PDE1A: variants seen among roughly 807,000 people sequenced by gnomAD.
PDE1A encodes the protein dual specificity calcium/calmodulin-dependent 3',5'-cyclic nucleotide phosphodiesterase 1A.
In PDE1A, 35 loss-of-function variants were observed where a neutral mutation model predicts 61.7. The ratio of observed to expected loss-of-function variants is 0.57; its 90% CI spans 0.43 to 0.75. The LOEUF is 0.75. Among genes scored for constraint, PDE1A ranks in the 30% least tolerant of loss-of-function variants. PDE1A has a pLI of 0.00. For missense variants in PDE1A, 597 were observed against 630.6 expected, an observed-to-expected ratio of 0.95 and a Z score of 0.57; for synonymous variants, 232 against 213.2, an observed-to-expected ratio of 1.09 and a Z score of -0.77.
At chr2:182,707,569 A>G in the PDE1A span, among the ~76,000 whole-genome samples, 1 of 75,630 alleles carries the variant, frequency 1.3e-5, no homozygotes, top group Non-Finnish European at 2.6e-5. Context: ...GACACAAATT[A>G]CTAACACTCA....
At chr2:182,602,992 C>CACACATACATACATACATACAT in the PDE1A span, among the ~76,000 whole-genome samples, 24 of 130,390 alleles carry the variant, frequency 1.8e-4, no homozygotes, top group South Asian at 2.4e-4. Context: ...CACACACACA[C>CACACATACATACATACATACAT]ACATACATAC....
At chr2:182,336,004 A>G (rs913277704) in intron 1 of PDE1A, among the ~76,000 whole-genome samples, 2 of 152,226 alleles carry the variant, frequency 1.3e-5, no homozygotes, top group Non-Finnish European at 2.9e-5. Flanking sequence ...CTGGCCAACA[A>G]ACATATGAAA....
At chr2:182,654,316 T>G in the PDE1A span, among the ~76,000 whole-genome samples, 6 of 152,192 alleles carry the variant, frequency 3.9e-5, no homozygotes, top group Non-Finnish European at 8.8e-5. Flanking sequence ...ACAGGTTAAT[T>G]GAAAAATAAT....
chr2:182,612,591 C>T, the PDE1A span, among the ~76,000 whole-genome samples: 3 of 152,216 alleles, frequency 2.0e-5, no homozygotes, highest in Non-Finnish European at 1.5e-5. Flanking sequence ...ATGTATTTCA[C>T]TCCAATCTAT....
chr2:182,451,628 A>G (rs1265622245), intron 2 of PDE1A, among the ~76,000 whole-genome samples: 1 of 152,084 alleles, frequency 6.6e-6, no homozygotes, highest in Non-Finnish European at 1.5e-5. Context: ...GAATTCTGCT[A>G]TTGTTTCAAG....
chr2:182,498,045 C>CAAAAAA lies in PDE1A; in HGVS notation c.101+24225_101+24230dup, dbSNP rs57707793. ...TGTGCGACAGAGCGAGATTGCGTCTCAAAAAAAAAAAAAAAAAAAAAAAAA... is the reference window on the plus strand; with the variant it reads ...TGTGCGACAGAGCGAGATTGCGTCTCAAAAAAAAAAAAAAAAAAAAAAAAAAAAAAA... On this transcript the variant is annotated intron_variant, in intron 2 of 14. Transcript: ENST00000410103. Among the ~76,000 whole-genome samples the CAAAAAA allele has an allele frequency of 2.2e-4, 14 of 64,320 alleles. 1 individual carries two copies. The highest frequency in any genetic ancestry group is 7.8e-4 in the African/African-American group (13 of 16,658). 42.2% of individuals were successfully genotyped at this position (64,320 alleles called of 152,430 possible). A position where few individuals can be genotyped will look rare whatever the true frequency, so the allele number is the denominator to read the frequency against.
intron 7 of PDE1A, among the ~76,000 whole-genome samples, chr2:182,210,450 T>G (rs1687486244): frequency 1.3e-5 from 2 of 152,234 alleles, no homozygotes; most frequent in African/African-American, 4.8e-5. Flanking sequence ...TTGTATATCT[T>G]CCTAGCTGGA....
intron 2 of PDE1A, among the ~76,000 whole-genome samples, chr2:182,447,624 G>C (rs1252907780): frequency 6.6e-6 from 1 of 151,974 alleles, no homozygotes; most frequent in Non-Finnish European, 1.5e-5. Flanking sequence ...CATCTCAAAG[G>C]CTATATTTTC....
chr2:182,314,786 A>T (rs1041293365), intron 1 of PDE1A, among the ~76,000 whole-genome samples: 2 of 135,964 alleles, frequency 1.5e-5, no homozygotes, highest in Non-Finnish European at 3.2e-5. Context: ...TGATGAATAT[A>T]TATCAAAGCT....
chr2:182,360,400 T>C (rs970632607), intron 1 of PDE1A, among the ~76,000 whole-genome samples: 1 of 152,060 alleles, frequency 6.6e-6, no homozygotes, highest in Non-Finnish European at 1.5e-5. Context: ...CTAACTATAG[T>C]ATACTTAGGA....
the PDE1A span, among the ~76,000 whole-genome samples, chr2:182,637,107 A>T: frequency 0.62 from 93,728 of 152,144 alleles, 29,110 homozygotes; most frequent in Admixed American, 0.71. Flanking sequence ...TCCTATTTTA[A>T]TGTCTGTAAC....
At chr2:182,205,955 G>C in exon 8 of PDE1A, 3 of 1,607,442 alleles carry the variant, frequency 1.9e-6, no homozygotes, top group Non-Finnish European at 2.6e-6. Flanking sequence ...GTCATCTTTG[G>C]ATAAATTTAT....
In PDE1A at chr2:182,454,390, C is replaced by G. The variant is rs964256309; in HGVS notation, c.101+67886G>C. On this transcript the variant is annotated intron_variant, in intron 2 of 14. Coordinates refer to the PDE1A transcript ENST00000410103. The stretch of plus-strand genomic sequence containing the variant: ...TGGTATCCCCATCAAGCTACCAATG[C>G]CTTTCTTCACAGAATTGGAAAAAAC... 3.3e-5 allele frequency among the ~76,000 whole-genome samples: 5 copies of G among 152,180 alleles called. No homozygotes were observed. The East Asian group carries it at 9.7e-4, about 30-fold the overall frequency.
At chr2:182,573,766 C>A in the PDE1A span, among the ~76,000 whole-genome samples, 1 of 150,112 alleles carries the variant, frequency 6.7e-6, no homozygotes, top group Middle Eastern at 3.4e-3. Flanking sequence ...AACGATTCAG[C>A]AAAAATATAC....
chr2:182,168,026 G>A (rs1171496936), exon 14 of PDE1A: 17 of 1,242,646 alleles, frequency 1.4e-5, no homozygotes, highest in Non-Finnish European at 1.7e-5. Context: ...AGGTGCTGAT[G>A]TAGCCACTAG....
chr2:182,344,594 A>G (rs373461595), intron 1 of PDE1A, among the ~76,000 whole-genome samples: 1 of 152,172 alleles, frequency 6.6e-6, no homozygotes, highest in African/African-American at 2.4e-5. Context: ...TGGACAAAGA[A>G]ATATTCAGTA....
chr2:182,485,610 C>T (rs914222489), intron 2 of PDE1A, among the ~76,000 whole-genome samples: 7 of 151,874 alleles, frequency 4.6e-5, no homozygotes, highest in African/African-American at 1.7e-4. Context: ...CGGTAGCAAA[C>T]CAAATCTAAC....
intron 1 of PDE1A, among the ~76,000 whole-genome samples, chr2:182,302,789 ACTAAGTTTTTTTTTT>A (rs1695329840): frequency 1.3e-5 from 2 of 151,940 alleles, no homozygotes; most frequent in African/African-American, 4.9e-5. Flanking sequence ...TGATTTACCA[ACTAAGTTTTTTTTTT>A]CTTACCAACT....
At chr2:182,302,073 T>G (rs1336061779) in intron 1 of PDE1A, among the ~76,000 whole-genome samples, 1 of 152,152 alleles carries the variant, frequency 6.6e-6, no homozygotes, top group African/African-American at 2.4e-5. Flanking sequence ...GTAGCAGGAA[T>G]GGGGTGAAGT....
Sources: gnomAD v4.1 joint callset for allele counts (sites outside exome capture counted in the v4.1 genomes callset) on GRCh38, gnomAD v4.1.1 for gene constraint, MANE v1.5 for transcripts, NCBI Gene and HGNC (gene_info 2026-07-23, HGNC 2026-07-21) for gene names.